The following PRKCZ variants were observed in gnomAD, a reference collection of about 807,000 sequenced individuals.
PRKCZ encodes protein kinase C zeta type.
In PRKCZ, 33 loss-of-function variants were observed where a neutral mutation model predicts 79.5. That is an observed-to-expected ratio of 0.41 (90% CI 0.31 to 0.55). The LOEUF (loss-of-function observed/expected upper bound fraction) is 0.55, where lower values mean the gene tolerates loss of function less well. PRKCZ is among the 20% of genes least tolerant of loss of function. PRKCZ has a pLI of 0.19. For missense variants in PRKCZ, 578 were observed against 813.5 expected (o/e 0.71, Z 3.52); for synonymous variants, 342 against 320.9 (o/e 1.07, Z -0.70).
chr1:2,109,799 C>T (rs1205778464), intron 4 of PRKCZ, among the ~76,000 whole-genome samples: 1 of 152,178 alleles, frequency 6.6e-6, no homozygotes, highest in Admixed American at 6.5e-5. Flanking sequence ...CGTGCCACGT[C>T]GCTCAGATTT....
At chr1:2,138,315 A>G (rs1258399946) in intron 5 of PRKCZ, among the ~76,000 whole-genome samples, 1 of 152,182 alleles carries the variant, frequency 6.6e-6, no homozygotes, top group Non-Finnish European at 1.5e-5. Flanking sequence ...ACTTGAAAGC[A>G]CTGCCCTTGG....
At chr1:2,072,994 T>TG (rs1488869561) in intron 4 of PRKCZ, among the ~76,000 whole-genome samples, 1 of 152,080 alleles carries the variant, frequency 6.6e-6, no homozygotes, top group African/African-American at 2.4e-5. Context: ...AGGTCTCACT[T>TG]GCCAGTGATG....
intron 10 of PRKCZ, among the ~76,000 whole-genome samples, chr1:2,159,294 G>T (rs1681753560): frequency 6.6e-6 from 1 of 152,294 alleles, no homozygotes; most frequent in Admixed American, 6.5e-5. Flanking sequence ...GCCTGGCCCA[G>T]GTGGGTGTGC....
At chr1:2,052,157 A>G (rs1659726892) in intron 1 of PRKCZ, among the ~76,000 whole-genome samples, 1 of 152,098 alleles carries the variant, frequency 6.6e-6, no homozygotes, top group South Asian at 2.1e-4. Context: ...GAGTCCTGCG[A>G]GAGGGAGGTC....
intron 4 of PRKCZ, among the ~76,000 whole-genome samples, chr1:2,065,784 C>T (rs541449943): frequency 3.3e-5 from 5 of 151,218 alleles, no homozygotes; most frequent in Admixed American, 2.0e-4. Flanking sequence ...GTGATGTCTG[C>T]TGTGGGTTTT....
intron 4 of PRKCZ, among the ~76,000 whole-genome samples, chr1:2,119,792 T>TTC (rs1553153436): frequency 1.3e-5 from 2 of 150,478 alleles, no homozygotes; most frequent in East Asian, 2.0e-4. Flanking sequence ...TTCTTTTCTT[T>TTC]TTTTTTTTTT....
chr1:2,128,043 A>G lies in PRKCZ; in HGVS notation c.335-7219A>G, dbSNP rs1016000474. ...TCCTGGAGCTCAGAATCTAGTGGAA[A>G]TCGCTGCCCAGGGAAGAAGCTCCGG... On this transcript the variant is annotated intron_variant, in intron 4 of 17. Transcript: ENST00000378567. The surrounding 1 kb of genome is among the most constrained non-coding windows in gnomAD (Gnocchi z 6.5). Among the ~76,000 whole-genome samples the G allele has an allele frequency of 7.9e-5, 12 of 152,138 alleles. No homozygotes were observed. Among genetic ancestry groups the G allele is most frequent in the Non-Finnish European group, 2.9e-5 (2 of 68,004 alleles).
intron 4 of PRKCZ, among the ~76,000 whole-genome samples, chr1:2,080,321 G>GGGCAGTGCGCGTGGACGT (rs56877077): frequency 0.038 from 4,763 of 123,818 alleles, 239 homozygotes; most frequent in African/African-American, 0.23. Flanking sequence ...CTTTAGGTAG[G>GGGCAGTGCGCGTGGACGT]GGCAGTGCGC....
chr1:2,132,072 A>C lies in PRKCZ; in HGVS notation c.335-3190A>C, dbSNP rs556803762. On this transcript the variant is annotated intron_variant, in intron 4 of 17. Transcript: ENST00000378567. ...GTGATCTGCCCGCCTCGGCCTCCCA[A>C]AGTGCTGGGATTACAGGCGGGAGCC... Among the ~76,000 whole-genome samples the C allele has an allele frequency of 1.5e-4, 23 of 152,186 alleles. 1 individual carries two copies. In the South Asian group the frequency reaches 4.6e-3, roughly 30 times the overall value.
chr1:2,064,080 CAAG>C (rs1321868596), intron 4 of PRKCZ, among the ~76,000 whole-genome samples: 1 of 152,214 alleles, frequency 6.6e-6, no homozygotes, highest in African/African-American at 2.4e-5. Context: ...CTCCCGACCT[CAAG>C]TGATCCACCC....
intron 4 of PRKCZ, among the ~76,000 whole-genome samples, chr1:2,063,236 A>G (rs1231695346): frequency 1.3e-5 from 2 of 152,236 alleles, no homozygotes; most frequent in Non-Finnish European, 1.5e-5. Context: ...ACGGGTGCAC[A>G]GTGACCTCTG....
At chr1:2,072,012 A>AT (rs1661640433) in intron 4 of PRKCZ, among the ~76,000 whole-genome samples, 1 of 152,242 alleles carries the variant, frequency 6.6e-6, no homozygotes, top group Non-Finnish European at 1.5e-5. Context: ...TCAGCCAATT[A>AT]AAAGCGTAGA....
intron 4 of PRKCZ, among the ~76,000 whole-genome samples, chr1:2,116,928 G>A (rs945264811): frequency 3.3e-5 from 5 of 152,110 alleles, no homozygotes; most frequent in African/African-American, 9.7e-5. Context: ...CATATCTTTA[G>A]GCCTTTGATT....
At chr1:2,057,806 G>A (rs947476444) in intron 3 of PRKCZ, among the ~76,000 whole-genome samples, 8 of 152,048 alleles carry the variant, frequency 5.3e-5, no homozygotes, top group Admixed American at 5.2e-4. Context: ...CCAGATATAA[G>A]CGATTGTCCT....
intron 9 of PRKCZ, among the ~76,000 whole-genome samples, chr1:2,153,231 T>C (rs1680257499): frequency 6.6e-6 from 1 of 152,268 alleles, no homozygotes; most frequent in African/African-American, 2.4e-5. Flanking sequence ...GCATCTTTCA[T>C]GCACCTGTTG....
upstream of PRKCZ, among the ~76,000 whole-genome samples, chr1:2,048,727 C>T (rs955572526): frequency 5.3e-5 from 8 of 152,098 alleles, no homozygotes; most frequent in African/African-American, 1.7e-4. Flanking sequence ...GGATGCAAAG[C>T]GGGCCAAAGG....
chr1:2,113,625 C>T (rs1309968823), intron 4 of PRKCZ, among the ~76,000 whole-genome samples: 1 of 152,160 alleles, frequency 6.6e-6, no homozygotes, highest in Non-Finnish European at 1.5e-5. Context: ...TGTCTGTGTC[C>T]CAGTTGAGTT....
rs1047072208 is a variant in PRKCZ, at chr1:2,050,630, C to T, written c.-1C>T. ...GCTGACGGCGGCGGGGGGAGCGCGC[C>T]ATGCCCAGCAGGACCGGCCCCAAGA... On this transcript the variant is annotated 5_prime_UTR_variant, in exon 1 of 18. Coordinates refer to ENST00000378567, the MANE Select transcript of PRKCZ (RefSeq NM_002744.6). 8.2e-6 allele frequency: 10 copies of T among 1,224,736 alleles called. No individual in the cohort carries two copies. The African/African-American group carries it at 1.6e-4, about 19-fold the overall frequency. The allele number at this position is 1,224,736 out of a possible 1,614,324, so 75.9% of individuals were successfully genotyped here. A position where few individuals can be genotyped will look rare whatever the true frequency, so the allele number is the denominator to read the frequency against.
At chr1:2,059,662 A>C in intron 4 of PRKCZ, 71 bp downstream of exon 4, 1 of 1,582,872 alleles carries the variant, frequency 6.3e-7, no homozygotes, top group Non-Finnish European at 8.7e-7. Flanking sequence ...TGTGCCACGG[A>C]GGTGGCAGTG....
Sources: gnomAD v4.1 joint callset for allele counts (sites outside exome capture counted in the v4.1 genomes callset) on GRCh38, gnomAD v4.1.1 for gene constraint, Gnocchi (gnomAD v3.1) non-coding constraint, MANE v1.5 for transcripts, NCBI Gene and HGNC (gene_info 2026-07-23, HGNC 2026-07-21) for gene names.